The following RDX variants were observed in gnomAD, a reference collection of about 807,000 sequenced individuals.
RDX encodes deafness, autosomal recessive 24.
In RDX, 32 loss-of-function variants were observed where a neutral mutation model predicts 83.7. The observed-to-expected ratio is 0.38, with a 90% CI of 0.29 to 0.51. RDX has a LOEUF of 0.51. RDX is among the 20% of genes least tolerant of loss of function. RDX has a pLI of 0.87. For synonymous variants in RDX, 229 were observed against 222.7 expected (o/e 1.03, Z -0.25); for missense variants, 600 against 689.9 (o/e 0.87, Z 1.46).
chr11:110,289,503 A>G (rs1245510314), intron 1 of RDX, among the ~76,000 whole-genome samples: 1 of 152,164 alleles, frequency 6.6e-6, no homozygotes, highest in Non-Finnish European at 1.5e-5. Flanking sequence ...AGAACCTATA[A>G]ACAGCTTAAG....
chr11:110,175,516 A>G (rs905809414), intron 15 of RDX, among the ~76,000 whole-genome samples: 6 of 152,248 alleles, frequency 3.9e-5, no homozygotes, highest in Admixed American at 3.9e-4. Flanking sequence ...GAGAGCACTG[A>G]AAGAATGGCA....
intron 15 of RDX, among the ~76,000 whole-genome samples, chr11:110,176,996 G>A (rs759174364): frequency 3.9e-5 from 6 of 152,238 alleles, no homozygotes; most frequent in Non-Finnish European, 2.9e-5. Flanking sequence ...CTTCCACCGT[G>A]ACTGAAGCTT....
chr11:110,257,038 A>G (rs1859573591), intron 7 of RDX, among the ~76,000 whole-genome samples: 1 of 44,130 alleles, frequency 2.3e-5, no homozygotes, highest in Non-Finnish European at 4.2e-5. Context: ...AAGACAATTG[A>G]GTTATTAATC....
intron 14 of RDX, among the ~76,000 whole-genome samples, chr11:110,200,868 T>C (rs957561327): frequency 1.3e-5 from 2 of 152,192 alleles, no homozygotes; most frequent in African/African-American, 4.8e-5. Flanking sequence ...TCAAAGACTT[T>C]GAAGGTTAGT....
chr11:110,242,842 C>T (rs1865154154), intron 10 of RDX, among the ~76,000 whole-genome samples: 1 of 151,240 alleles, frequency 6.6e-6, no homozygotes, highest in African/African-American at 2.4e-5. Flanking sequence ...AACTATGGCT[C>T]ATGGAGCAAA....
intron 8 of RDX, 95 bp downstream of exon 8, chr11:110,255,194 T>C: frequency 1.4e-6 from 1 of 713,088 alleles, no homozygotes; most frequent in East Asian, 2.7e-5. Context: ...TCAGAAGCAA[T>C]TTAATAAATG....
At chr11:110,240,638 G>A (rs536737173) in intron 10 of RDX, among the ~76,000 whole-genome samples, 21 of 150,654 alleles carry the variant, frequency 1.4e-4, no homozygotes, top group Non-Finnish European at 5.9e-5. Context: ...CCAGCTACTC[G>A]GGAGGCTGAG....
intron 14 of RDX, among the ~76,000 whole-genome samples, chr11:110,212,323 T>C (rs2134258431): frequency 6.8e-6 from 1 of 147,534 alleles, no homozygotes; most frequent in East Asian, 2.0e-4. Flanking sequence ...TAACAGGAGC[T>C]GAAATTGTGG....
chr11:110,282,264 T>C (rs1255968601), intron 1 of RDX, among the ~76,000 whole-genome samples: 1 of 152,174 alleles, frequency 6.6e-6, no homozygotes, highest in East Asian at 1.9e-4. Context: ...TACATAAGCA[T>C]TTTTTTGAAT....
Position 110,274,670 on chromosome 11 carries a change from T to C in RDX, c.13-2051A>G, listed in dbSNP as rs569728024. Among the ~76,000 whole-genome samples the C allele has an allele frequency of 4.6e-5, 7 of 152,290 alleles. No individual in the cohort carries two copies. In the South Asian group the frequency reaches 1.5e-3, roughly 32 times the overall value. The stretch of plus-strand genomic sequence containing the variant: ...CTTCTCATATATTCTGTTTGGTATG[T>C]ATATTCTACTTCAATAAATTCTTTA... On this transcript the variant is annotated intron_variant, in intron 2 of 13. Coordinates refer to ENST00000645495, the MANE Select transcript of RDX (RefSeq NM_002906.4).
intron 3 of RDX, among the ~76,000 whole-genome samples, chr11:110,266,728 T>C (rs1459498001): frequency 1.3e-5 from 2 of 151,930 alleles, no homozygotes; most frequent in Admixed American, 6.6e-5. Flanking sequence ...CCACCACACC[T>C]AGTTAATGTT....
intron 9 of RDX, 92 bp downstream of exon 9, chr11:110,253,854 C>T: frequency 9.6e-7 from 1 of 1,046,764 alleles, no homozygotes; most frequent in Non-Finnish European, 1.5e-6. Flanking sequence ...TTAATAAATA[C>T]AAATTTAAGG....
In RDX at chr11:110,230,794, T is replaced by A. The variant is rs1002709909; in HGVS notation, c.*1075A>T. On this transcript the variant is annotated 3_prime_UTR_variant, in exon 14 of 14. Coordinates refer to ENST00000645495, the MANE Select transcript of RDX (RefSeq NM_002906.4). ...GAAGGAAAATGAAATTTCGAAAGTA[T>A]TTCTTGATGATCGAGGCTATGGTTA... 2.0e-5 allele frequency: 3 copies of A among 152,606 alleles called. No homozygotes were observed. The highest frequency in any genetic ancestry group is 2.0e-4 in the Admixed American group (3 of 15,264). The allele number at this position is 152,606 out of a possible 1,614,324, so 9.5% of individuals were successfully genotyped here. A position where few individuals can be genotyped will look rare whatever the true frequency, so the allele number is the denominator to read the frequency against.
rs1864647762 is a variant in RDX at position 110,231,830 on chromosome 11, G to C, written c.*39C>G. ...AAAGGCCTGCTTTTCTCTGTTGGTGGTTCAGCTTATGAAGAACATATATGC... is the reference window on the plus strand; with the variant it reads ...AAAGGCCTGCTTTTCTCTGTTGGTGCTTCAGCTTATGAAGAACATATATGC... On this transcript the variant is annotated 3_prime_UTR_variant, in exon 14 of 14. Coordinates refer to ENST00000645495, the MANE Select transcript of RDX (RefSeq NM_002906.4). 1 of 1,608,800 alleles carries C rather than the reference G, an allele frequency of 6.2e-7. No homozygotes were observed. The highest frequency in any genetic ancestry group is 8.5e-7 in the Non-Finnish European group (1 of 1,178,086).
intron 15 of RDX, among the ~76,000 whole-genome samples, chr11:110,188,269 G>A (rs540934817): frequency 3.3e-5 from 5 of 150,832 alleles, no homozygotes; most frequent in African/African-American, 9.7e-5. Context: ...ACTCCAGCCT[G>A]GGCAACAAGA....
Position 110,231,628 on chromosome 11 carries a change from T to A in RDX, c.*241A>T. The A allele has an allele frequency of 1.9e-6, 1 of 538,560 alleles. No individual in the cohort carries two copies. Among genetic ancestry groups the A allele is most frequent in the South Asian group, 2.3e-5 (1 of 42,982 alleles). 33.4% of individuals were successfully genotyped at this position (538,560 alleles called of 1,614,324 possible). ...AAAAAAAAGAAAAAGAAAAAAAATG[T>A]GAAAAGAGGCAATGGAACACCATTC... On this transcript the variant is annotated 3_prime_UTR_variant, in exon 14 of 14. Coordinates refer to ENST00000645495, the MANE Select transcript of RDX (RefSeq NM_002906.4).
chr11:110,287,746 A>G (rs1344755595), intron 1 of RDX, among the ~76,000 whole-genome samples: 1 of 152,218 alleles, frequency 6.6e-6, no homozygotes, highest in African/African-American at 2.4e-5. Context: ...TATCTTCACA[A>G]TAACTGCCCT....
At chr11:110,219,104 G>A (rs1228088902) in intron 14 of RDX, among the ~76,000 whole-genome samples, 1 of 152,192 alleles carries the variant, frequency 6.6e-6, no homozygotes, top group Non-Finnish European at 1.5e-5. Context: ...CTTGAGGAAG[G>A]TACAATTTTA....
intron 14 of RDX, among the ~76,000 whole-genome samples, chr11:110,214,118 T>G (rs1232420707): frequency 6.8e-5 from 10 of 146,788 alleles, no homozygotes; most frequent in African/African-American, 2.3e-4. Context: ...ATCCAGAATC[T>G]ACAATGAACT....
Sources: gnomAD v4.1 joint callset for allele counts (sites outside exome capture counted in the v4.1 genomes callset) on GRCh38, gnomAD v4.1.1 for gene constraint, MANE v1.5 for transcripts, NCBI Gene and HGNC (gene_info 2026-07-23, HGNC 2026-07-21) for gene names.